The following PDE4B variants were observed in gnomAD, a reference collection of about 807,000 sequenced individuals.
PDE4B encodes 3',5'-cyclic-AMP phosphodiesterase 4B.
In PDE4B, 20 loss-of-function variants were observed where a neutral mutation model predicts 82.2. The ratio of observed to expected loss-of-function variants is 0.24; its 90% confidence interval spans 0.17 to 0.35. The LOEUF is 0.35. Among genes scored for constraint, PDE4B ranks in the 10% least tolerant of loss-of-function variants. The pLI is 1.00. For synonymous variants in PDE4B, 320 were observed against 318.9 expected (o/e 1.00, Z -0.04); for missense variants, 655 against 907.2 (o/e 0.72, Z 3.57).
At chr1:66,195,789 G>A (rs999389871) in intron 3 of PDE4B, among the ~76,000 whole-genome samples, 7 of 152,166 alleles carry the variant, frequency 4.6e-5, no homozygotes, top group African/African-American at 1.7e-4. Context: ...TGGCTGATAT[G>A]ATTTACAAAG....
At chr1:65,879,096 C>T (rs1646681616) in intron 1 of PDE4B, among the ~76,000 whole-genome samples, 1 of 152,080 alleles carries the variant, frequency 6.6e-6, no homozygotes, top group Non-Finnish European at 1.5e-5. Flanking sequence ...GGTTTCTTCC[C>T]TCCTTTTACC....
At chr1:65,868,701 G>A (rs544277253) in intron 1 of PDE4B, among the ~76,000 whole-genome samples, 1 of 152,326 alleles carries the variant, frequency 6.6e-6, no homozygotes, top group South Asian at 2.1e-4. Flanking sequence ...TGGCCTGTTA[G>A]GAATTGGGCC....
At chr1:65,798,931 A>G (rs904158331) in intron 1 of PDE4B, among the ~76,000 whole-genome samples, 3 of 152,132 alleles carry the variant, frequency 2.0e-5, no homozygotes, top group South Asian at 4.1e-4. Context: ...ATCTTAATGC[A>G]TTTGAAAAAT....
In PDE4B at chr1:66,247,577, A is replaced by T. The variant is rs1333747817; in HGVS notation, c.399A>T (p.Ser133=). The part of the protein sequence containing the change: ...TFPGHSQRRE[S]FLYRSDSDYD... ...CTGGGCACAGCCAGCGCAGAGAGTC[A>T]TTTCTCTACAGATCAGACAGCGACT... Residue 133 remains serine, a synonymous_variant, in exon 4 of 17, where the codon TCA becomes TCT. Coordinates refer to ENST00000341517, the MANE Select transcript of PDE4B (RefSeq NM_002600.4). 6.2e-7 allele frequency: 1 copy of T among 1,611,646 alleles called. No homozygotes were observed.
In PDE4B at chr1:65,970,563, A is replaced by G. The variant is rs368872072; in HGVS notation, c.281+51728A>G. On this transcript the variant is annotated intron_variant, in intron 3 of 16. Coordinates refer to ENST00000341517, the MANE Select transcript of PDE4B (RefSeq NM_002600.4). ...AGATTAAGACATGAGCCATATTCTC[A>G]TGGAGTTCACACTCAACTGGGGGAA... Among the ~76,000 whole-genome samples the G allele has an allele frequency of 1.1e-4, 16 of 152,296 alleles. No homozygotes were observed. In the East Asian group the frequency reaches 2.3e-3, roughly 22 times the overall value.
At position 66,169,069 on chromosome 1, in the gene PDE4B, T is replaced by C. The variant is rs116446285; in HGVS notation, c.282-78391T>C. On this transcript the variant is annotated intron_variant, in intron 3 of 16. Transcript: ENST00000341517. ...AGACAAAGGGGAGACCATTCAAACA[T>C]GCCTTCTCATTTGATTGCAAACCAA... is the stretch of plus-strand genomic sequence containing the variant. 4.2e-3 allele frequency among the ~76,000 whole-genome samples: 642 copies of C among 152,376 alleles called. 4 individuals carry two copies. Among genetic ancestry groups the C allele is most frequent in the African/African-American group, 0.015 (615 of 41,596 alleles).
rs188972052 is a variant in PDE4B at position 66,245,331 on chromosome 1, C to A, written c.282-2129C>A. Among the ~76,000 whole-genome samples the A allele has an allele frequency of 1.8e-4, 27 of 152,290 alleles. No individual in the cohort carries two copies. The East Asian group carries it at 5.2e-3, about 29-fold the overall frequency. Reference sequence around the variant, plus strand: ...TACCAGATGAATAACAACATAAATACATGAAATTTCTAAACTCATGCCCAC... The same window carrying A: ...TACCAGATGAATAACAACATAAATAAATGAAATTTCTAAACTCATGCCCAC... On this transcript the variant is annotated intron_variant, in intron 3 of 16. Coordinates refer to ENST00000341517, the MANE Select transcript of PDE4B (RefSeq NM_002600.4).
chr1:66,222,867 C>T (rs1237690478), intron 3 of PDE4B, among the ~76,000 whole-genome samples: 1 of 152,040 alleles, frequency 6.6e-6, no homozygotes, highest in Non-Finnish European at 1.5e-5. Flanking sequence ...AGCCTTTCTC[C>T]TTGGGAAAAG....
At chr1:66,131,640 A>G (rs1358627172) in intron 3 of PDE4B, among the ~76,000 whole-genome samples, 1 of 30,032 alleles carries the variant, frequency 3.3e-5, no homozygotes, top group African/African-American at 7.5e-5. Flanking sequence ...TATATATATT[A>G]CTAACCAGGG....
chr1:65,871,900 C>G (rs1646577572), intron 1 of PDE4B, among the ~76,000 whole-genome samples: 1 of 152,130 alleles, frequency 6.6e-6, no homozygotes, highest in Admixed American at 6.5e-5. Context: ...ATTTTCAACT[C>G]TTGAATACAA....
At chr1:66,238,370 ATGTGAAAATT>A (rs1454253166) in intron 3 of PDE4B, among the ~76,000 whole-genome samples, 1 of 152,182 alleles carries the variant, frequency 6.6e-6, no homozygotes, top group African/African-American at 2.4e-5. Flanking sequence ...GGGCTAGATT[ATGTGAAAATT>A]TGTGATCCAT....
At chr1:66,336,738 T>A (rs999975637) in intron 8 of PDE4B, among the ~76,000 whole-genome samples, 1 of 152,204 alleles carries the variant, frequency 6.6e-6, no homozygotes, top group Non-Finnish European at 1.5e-5. Context: ...CCTTCTTCTC[T>A]TAAGGCATTG....
intron 3 of PDE4B, among the ~76,000 whole-genome samples, chr1:66,150,747 A>T (rs1366812540): frequency 6.6e-6 from 1 of 152,152 alleles, no homozygotes; most frequent in African/African-American, 2.4e-5. Context: ...TCATGAAAGG[A>T]TGTGGAATTT....
At chr1:66,354,209 C>T (rs537529069) in intron 8 of PDE4B, among the ~76,000 whole-genome samples, 117 of 152,238 alleles carry the variant, frequency 7.7e-4, no homozygotes, top group Non-Finnish European at 1.5e-3. Flanking sequence ...TTCAGAAAAT[C>T]GATTAATCAA....
chr1:66,048,313 G>A (rs1654825319), intron 3 of PDE4B, among the ~76,000 whole-genome samples: 1 of 151,832 alleles, frequency 6.6e-6, no homozygotes, highest in South Asian at 2.1e-4. Flanking sequence ...TGACAGCTAA[G>A]GAGCAATCAA....
chr1:66,031,200 A>G (rs532468416), intron 3 of PDE4B, among the ~76,000 whole-genome samples: 86 of 152,374 alleles, frequency 5.6e-4, no homozygotes, highest in African/African-American at 1.9e-3. Flanking sequence ...AGGTATTTAA[A>G]GTAAATAGAC....
At chr1:66,255,298 G>T (rs908678568) in intron 4 of PDE4B, among the ~76,000 whole-genome samples, 6 of 152,014 alleles carry the variant, frequency 3.9e-5, no homozygotes, top group Admixed American at 2.0e-4. Flanking sequence ...ATGTTGATCA[G>T]ACTGGTCTCA....
intron 7 of PDE4B, among the ~76,000 whole-genome samples, chr1:66,306,667 G>A (rs1246698713): frequency 6.6e-6 from 1 of 152,156 alleles, no homozygotes; most frequent in Non-Finnish European, 1.5e-5. Context: ...ATTATAGAAT[G>A]TATAGCTATA....
At chr1:66,301,535 C>T (rs1379560653) in intron 7 of PDE4B, among the ~76,000 whole-genome samples, 1 of 151,040 alleles carries the variant, frequency 6.6e-6, no homozygotes, top group African/African-American at 2.5e-5. Flanking sequence ...GGCGAGACCA[C>T]CAGGCTTCTT....
Sources: gnomAD v4.1 joint callset for allele counts (sites outside exome capture counted in the v4.1 genomes callset) on GRCh38, gnomAD v4.1.1 for gene constraint, MANE v1.5 for transcripts, NCBI Gene and HGNC (gene_info 2026-07-23, HGNC 2026-07-21) for gene names.